Variants in MYT1 observed in about 807,000 individuals in gnomAD.
MYT1 encodes myelin transcription factor 1, also known as myelin transcription factor I.
Under a neutral mutation model 123.0 loss-of-function variants are expected in MYT1, and 23 were observed. The ratio of observed to expected loss-of-function variants is 0.19; its 90% confidence interval spans 0.13 to 0.26. The LOEUF (loss-of-function observed/expected upper bound fraction) is 0.26. Ranked by LOEUF, MYT1 falls within the 10% of genes least tolerant of loss-of-function variation. MYT1 has a pLI of 1.00. For synonymous variants in MYT1, 518 were observed against 575.3 expected, an observed-to-expected ratio of 0.90 and a Z score of 1.43; for missense variants, 1,125 against 1,472.5, an observed-to-expected ratio of 0.76 and a Z score of 3.86.
chr20:64,236,749 C>A, intron 20 of MYT1, 103 bp downstream of exon 20: 1 of 996,662 alleles, frequency 1.0e-6, no homozygotes, highest in Non-Finnish European at 1.6e-6. Context: ...GGAGATGAAG[C>A]CCCTCCTGGA....
At chr20:64,230,035 C>T (rs1984274581) in intron 18 of MYT1, among the ~76,000 whole-genome samples, 1 of 152,158 alleles carries the variant, frequency 6.6e-6, no homozygotes, top group South Asian at 2.1e-4. Flanking sequence ...TCAGTGCCTG[C>T]CCCCACCGCC....
chr20:64,173,318 G>A (rs1236786985), intron 1 of MYT1, among the ~76,000 whole-genome samples: 2 of 152,160 alleles, frequency 1.3e-5, no homozygotes, highest in Admixed American at 1.3e-4. Context: ...ACAGAGGTGG[G>A]CTGTTGGACA....
chr20:64,205,848 C>T (rs1983476947), intron 6 of MYT1, 48 bp downstream of exon 6: 3 of 1,594,996 alleles, frequency 1.9e-6, no homozygotes, highest in Non-Finnish European at 2.6e-6. Context: ...TTAGTGTGGC[C>T]CTGGAGAATT....
At chr20:64,200,213 C>T (rs1601709943) in intron 4 of MYT1, among the ~76,000 whole-genome samples, 1 of 152,204 alleles carries the variant, frequency 6.6e-6, no homozygotes, top group South Asian at 2.1e-4. Context: ...CACTGCGGTC[C>T]CCCAAACCGA....
rs1232522870 is a variant in MYT1, at chr20:64,186,364, C to T, written c.-98-3699C>T. Among the ~76,000 whole-genome samples, 1 of 152,188 alleles carries T rather than the reference C, an allele frequency of 6.6e-6. No homozygotes were observed. Among genetic ancestry groups the T allele is most frequent in the South Asian group, 2.1e-4 (1 of 4,828 alleles). ...GAGCGGTCTCTGATGTTCCGTTTCC[C>T]ATTCGCATCCACGAGCAGGGATTCA... On this transcript the variant is annotated intron_variant, in intron 1 of 22. Coordinates refer to ENST00000328439, the MANE Select transcript of MYT1 (RefSeq NM_004535.3). This position sits in a 1 kb window ranked among gnomAD's most constrained non-coding sequence, Gnocchi z 4.3.
chr20:64,239,967 G>A, intron 22 of MYT1, 64 bp downstream of exon 22: 1 of 1,584,360 alleles, frequency 6.3e-7, no homozygotes, highest in Non-Finnish European at 8.6e-7. Flanking sequence ...GAAAGCAGGA[G>A]GGCAGGGCAT....
intron 16 of MYT1, among the ~76,000 whole-genome samples, chr20:64,223,942 A>G (rs977341839): frequency 6.6e-6 from 1 of 151,624 alleles, no homozygotes; most frequent in Non-Finnish European, 1.5e-5. Flanking sequence ...CCCTGCCCCT[A>G]CCTAACACAT....
Position 64,185,351 on chromosome 20 carries a change from G to A in MYT1, c.-98-4712G>A, listed in dbSNP as rs1423964572. ...GGGCTGAGGGGGTGCATGGGAGAAT[G>A]GAGGTGTGGGCTCCTCTCAAGTGAC... On this transcript the variant is annotated intron_variant, in intron 1 of 22. Transcript: ENST00000328439. This position sits in a 1 kb window ranked among gnomAD's most constrained non-coding sequence, Gnocchi z 4.5. 6.6e-6 allele frequency among the ~76,000 whole-genome samples: 1 copy of A among 152,130 alleles called. No homozygotes were observed. The highest frequency in any genetic ancestry group is 2.4e-5 in the African/African-American group (1 of 41,428).
chr20:64,219,100 C>A (rs1269648763), intron 12 of MYT1, 65 bp downstream of exon 12: 1 of 1,523,780 alleles, frequency 6.6e-7, no homozygotes, highest in Non-Finnish European at 8.9e-7. Context: ...CAGTCAGGCC[C>A]ACCTGCTCTC....
chr20:64,233,319 C>G (rs1255990889), intron 19 of MYT1, among the ~76,000 whole-genome samples: 1 of 322 alleles, frequency 3.1e-3, no homozygotes, highest in Non-Finnish European at 5.3e-3. Context: ...TTCCCCTCCC[C>G]TCCCCTTCCC....
At chr20:64,230,316 C>G (rs1005449650) in intron 18 of MYT1, among the ~76,000 whole-genome samples, 1 of 152,038 alleles carries the variant, frequency 6.6e-6, no homozygotes, top group African/African-American at 2.4e-5. Flanking sequence ...AGTTCGAGAC[C>G]AGCCCGGCCA....
chr20:64,237,448 C>G, intron 21 of MYT1, 58 bp downstream of exon 21: 2 of 1,369,748 alleles, frequency 1.5e-6, no homozygotes, highest in Non-Finnish European at 2.0e-6. Context: ...AAACATTCGT[C>G]TTGGGGACAG....
At position 64,212,214 on chromosome 20, in the gene MYT1, G is replaced by GTT. The variant is rs1983695253; in HGVS notation, c.1517+76_1517+77insTT. ...GGGGGCCAGGGTGGGGGCCGTGGTGGGGGCCAGGGTGGGGGCCGTGGTGGG... is the reference window on the plus strand; with the variant it reads ...GGGGGCCAGGGTGGGGGCCGTGGTGGTTGGGCCAGGGTGGGGGCCGTGGTGGG... On this transcript the variant is annotated intron_variant, in intron 9 of 22. Transcript: ENST00000328439. This position sits in a 1 kb window ranked among gnomAD's most constrained non-coding sequence, Gnocchi z 6.8. 1 of 344,814 alleles carries GTT rather than the reference G, an allele frequency of 2.9e-6. No homozygotes were observed. The highest frequency in any genetic ancestry group is 3.3e-5 in the African/African-American group (1 of 30,214). 21.4% of individuals were successfully genotyped at this position (344,814 alleles called of 1,614,324 possible).
intron 12 of MYT1, 76 bp from the exon 13 acceptor site, chr20:64,219,637 G>A (rs924392060): frequency 6.1e-6 from 8 of 1,320,290 alleles, no homozygotes; most frequent in South Asian, 1.3e-5. Flanking sequence ...GACTCTGTAC[G>A]TTTGATTCAA....
rs1568713230 is a variant in MYT1 at position 64,212,912 on chromosome 20, GGT to G, written c.1518-621_1518-620del. 1.3e-5 allele frequency among the ~76,000 whole-genome samples: 2 copies of G among 152,224 alleles called. No individual in the cohort carries two copies. The highest frequency in any genetic ancestry group is 2.9e-5 in the Non-Finnish European group (2 of 68,054). On this transcript the variant is annotated intron_variant, in intron 9 of 22. Transcript: ENST00000328439. This position sits in a 1 kb window ranked among gnomAD's most constrained non-coding sequence, Gnocchi z 6.8. ...CTGAAAGGACTGCCAGAGCTTTTGA[GGT>G]CACTTCATTTGAAAAGAGGCCAGTT...
In MYT1 at chr20:64,196,427, G is replaced by A. The variant is rs958222768; in HGVS notation, c.1-2435G>A. 2.6e-5 allele frequency among the ~76,000 whole-genome samples: 4 copies of A among 152,214 alleles called. No individual in the cohort carries two copies. The highest frequency in any genetic ancestry group is 6.5e-5 in the Admixed American group (1 of 15,282). ...CCTCTGAAGTGCTTTGACTTCTTTC[G>A]AAAAGAAAAGTGATGTAAATCAAGC... On this transcript the variant is annotated intron_variant, in intron 2 of 22. Coordinates refer to ENST00000328439, the MANE Select transcript of MYT1 (RefSeq NM_004535.3). The surrounding 1 kb of genome is among the most constrained non-coding windows in gnomAD (Gnocchi z 4.3).
At position 64,170,876 on chromosome 20, in the gene MYT1, TATATATATAGAGAGAGAGAGAG is replaced by T. The variant is rs1439882092; in HGVS notation, c.-99+6139_-99+6160del. Among the ~76,000 whole-genome samples the T allele has an allele frequency of 2.0e-4, 12 of 60,600 alleles. No individual in the cohort carries two copies. The East Asian group carries it at 3.6e-3, about 18-fold the overall frequency. The allele number at this position is 60,600 out of a possible 152,430, so 39.8% of individuals were successfully genotyped here. A position where few individuals can be genotyped will look rare whatever the true frequency, so the allele number is the denominator to read the frequency against. On this transcript the variant is annotated intron_variant, in intron 1 of 22. Transcript: ENST00000328439. Reference sequence around the variant, plus strand: ...ATATATATATATATATATATATATATATATATATAGAGAGAGAGAGAGAGAGAGAGAGAGAGAGAGAGAGAGA... The same window carrying T: ...ATATATATATATATATATATATATATAGAGAGAGAGAGAGAGAGAGAGAGA...
intron 7 of MYT1, among the ~76,000 whole-genome samples, chr20:64,210,293 CTG>C (rs1413398654): frequency 2.0e-5 from 3 of 152,236 alleles, no homozygotes; most frequent in African/African-American, 4.8e-5. Context: ...CCCAGCTGGG[CTG>C]TGAGTGTCTG....
chr20:64,173,522 CT>C (rs1982356258), intron 1 of MYT1, among the ~76,000 whole-genome samples: 4 of 127,406 alleles, frequency 3.1e-5, no homozygotes, highest in African/African-American at 8.9e-5. Context: ...TCCCTGACTT[CT>C]CCTCCTGCAG....
Sources: gnomAD v4.1 joint callset for allele counts (sites outside exome capture counted in the v4.1 genomes callset) on GRCh38, gnomAD v4.1.1 for gene constraint, Gnocchi (gnomAD v3.1) non-coding constraint, MANE v1.5 for transcripts, NCBI Gene and HGNC (gene_info 2026-07-23, HGNC 2026-07-21) for gene names.